The following PSME4 variants were observed in gnomAD, a reference collection of about 807,000 sequenced individuals.
PSME4 encodes the protein proteasome activator subunit 4.
In PSME4, 89 loss-of-function variants were observed where a neutral mutation model predicts 253.9. The observed-to-expected ratio is 0.35, with a 90% CI of 0.30 to 0.42. The LOEUF (loss-of-function observed/expected upper bound fraction) is 0.42. PSME4 is among the 10% of genes least tolerant of loss of function. The probability of loss-of-function intolerance (pLI) is 1.00; values close to 1 mark genes in which losing one functional copy is unlikely to be tolerated. For missense variants in PSME4, 2,014 were observed against 2,195.2 expected (o/e 0.92, Z 1.65); for synonymous variants, 851 against 759.2 (o/e 1.12, Z -1.99).
At chr2:53,875,490 A>G in intron 42 of PSME4, 137 bp downstream of exon 42, 1 of 841,480 alleles carries the variant, frequency 1.2e-6, no homozygotes, top group Non-Finnish European at 1.7e-6. Flanking sequence ...TCTTTGGTCA[A>G]TATATATGTC....
rs961007789 is a variant in PSME4 at position 53,914,791 on chromosome 2, G to C, written c.2516+4360C>G. Among the ~76,000 whole-genome samples the C allele has an allele frequency of 5.9e-5, 9 of 152,262 alleles. No homozygotes were observed. In the East Asian group the frequency reaches 1.7e-3, roughly 29 times the overall value. On this transcript the variant is annotated intron_variant, in intron 20 of 46. Transcript: ENST00000404125. ...AGCTACTCGGGAGGCTGAGACTGGA[G>C]AATCACTTGAACCTGGGAGGCAGAG...
At chr2:53,891,092 C>A (rs10170468) in intron 36 of PSME4, among the ~76,000 whole-genome samples, 5 of 152,182 alleles carry the variant, frequency 3.3e-5, no homozygotes, top group African/African-American at 1.2e-4. Context: ...TATAATAGTA[C>A]GCTAGGCTGA....
chr2:53,887,089 C>T (rs886749222), intron 40 of PSME4, among the ~76,000 whole-genome samples, 170 bp downstream of exon 40: 1 of 152,002 alleles, frequency 6.6e-6, no homozygotes, highest in African/African-American at 2.4e-5. Flanking sequence ...GATGGTTGCG[C>T]AAGGATGTGA....
intron 10 of PSME4, 22 bp downstream of exon 10, chr2:53,931,813 G>A (rs1217511587): frequency 1.2e-6 from 2 of 1,610,618 alleles, no homozygotes; most frequent in Non-Finnish European, 1.7e-6. Context: ...AGCTGTGGCT[G>A]AGACTCCCAC....
At chr2:53,955,131 A>G (rs1385712565) in intron 1 of PSME4, among the ~76,000 whole-genome samples, 2 of 152,166 alleles carry the variant, frequency 1.3e-5, no homozygotes, top group Non-Finnish European at 1.5e-5. Context: ...TGATCTTGCC[A>G]CTGCATTTCA....
intron 41 of PSME4, among the ~76,000 whole-genome samples, chr2:53,883,079 T>C (rs937816989): frequency 6.6e-6 from 1 of 152,182 alleles, no homozygotes; most frequent in Non-Finnish European, 1.5e-5. Context: ...AATGGTAGTT[T>C]ATGAATATTT....
chr2:53,956,294 C>G (rs1424609377), intron 1 of PSME4, among the ~76,000 whole-genome samples: 2 of 151,846 alleles, frequency 1.3e-5, no homozygotes, highest in Non-Finnish European at 2.9e-5. Context: ...TTTAGGAGGC[C>G]AAAGCAGGAG....
intron 12 of PSME4, among the ~76,000 whole-genome samples, chr2:53,926,982 AG>A (rs138491625): frequency 0.27 from 39,614 of 147,200 alleles, 5,460 homozygotes; most frequent in South Asian, 0.45. Context: ...CAAAAAAAAA[AG>A]AAAGAAAGAA....
chr2:53,966,057 G>T (rs1159327683), intron 1 of PSME4, among the ~76,000 whole-genome samples: 1 of 151,956 alleles, frequency 6.6e-6, no homozygotes, highest in African/African-American at 2.4e-5. Context: ...CCGAGATCTT[G>T]GGCGGATCAT....
At chr2:53,970,502 C>G in intron 1 of PSME4, 41 bp downstream of exon 1, 1 of 1,547,752 alleles carries the variant, frequency 6.5e-7, no homozygotes. Flanking sequence ...TCTCACTGAG[C>G]CTTTCCCCCC....
intron 22 of PSME4, 31 bp from the exon 23 acceptor site, chr2:53,908,596 T>A: frequency 6.4e-7 from 1 of 1,567,238 alleles, no homozygotes; most frequent in South Asian, 1.2e-5. Context: ...GGATTTTGGT[T>A]AAAATATTTT....
At position 53,923,362 on chromosome 2, in the gene PSME4, C is replaced by T; in HGVS notation, c.1867G>A (p.Ala623Thr). The T allele has an allele frequency of 1.9e-6, 3 of 1,611,304 alleles. No homozygotes were observed. The highest frequency in any genetic ancestry group is 2.5e-6 in the Non-Finnish European group (3 of 1,179,284). ...STSHIFETRV[A>T]GRMVADMCRA... ...CACATGTCTGCCACCATGCGACCTG[C>T]TACTCTTGTTTCAAATATATGTGAA... is the stretch of plus-strand genomic sequence containing the variant. The change falls in exon 15 of 47, where the codon GCA becomes ACA. Residue 623 changes from alanine (A) to threonine (T), a missense_variant. By Grantham distance (58) the Ala-to-Thr change is moderately conservative. Coordinates refer to ENST00000404125, the MANE Select transcript of PSME4 (RefSeq NM_014614.3).
chr2:53,869,438 G>A lies in PSME4; in HGVS notation c.5201C>T (p.Thr1734Ile). 1 of 1,610,480 alleles carries A rather than the reference G, an allele frequency of 6.2e-7. No homozygotes were observed. Among genetic ancestry groups the A allele is most frequent in the Non-Finnish European group, 8.5e-7 (1 of 1,177,502 alleles). Residue 1734 changes from threonine (T) to isoleucine (I), a missense_variant, in exon 44 of 47, where the codon ACA becomes ATA. By Grantham distance (89) the Thr-to-Ile change is moderately conservative. Coordinates refer to ENST00000404125, the MANE Select transcript of PSME4 (RefSeq NM_014614.3). Reference sequence around the variant, plus strand: ...TCGCTTTCTTTTCTTAGGTAGTTTTGTTTTGCAAAGTTGCTCAAAATGAAT... The same window carrying A: ...TCGCTTTCTTTTCTTAGGTAGTTTTATTTTGCAAAGTTGCTCAAAATGAAT... ...MQIHFEQLCK[T>I]KLPKKRKRDP...
chr2:53,882,271 T>C (rs1272636782), intron 41 of PSME4, among the ~76,000 whole-genome samples: 1 of 152,140 alleles, frequency 6.6e-6, no homozygotes, highest in East Asian at 1.9e-4. Flanking sequence ...GAGGAACATG[T>C]CTACAGTGTT....
intron 32 of PSME4, 80 bp from the exon 33 acceptor site, chr2:53,895,816 A>G (rs987977426): frequency 7.6e-7 from 1 of 1,316,754 alleles, no homozygotes; most frequent in Non-Finnish European, 1.0e-6. Context: ...CAACAGTACC[A>G]GCATAACTTT....
intron 4 of PSME4, among the ~76,000 whole-genome samples, chr2:53,939,543 C>G (rs1009281690): frequency 6.6e-6 from 1 of 152,140 alleles, no homozygotes; most frequent in African/African-American, 2.4e-5. Flanking sequence ...CCGGGCAATA[C>G]AGCAAGGCCC....
At chr2:53,900,930 T>C (rs753340381) in intron 28 of PSME4, among the ~76,000 whole-genome samples, 25 of 152,348 alleles carry the variant, frequency 1.6e-4, no homozygotes, top group Non-Finnish European at 2.8e-4. Context: ...CTGAAAGTTA[T>C]ATTCTTTAGT....
At chr2:53,907,345 C>CAGAT (rs1680706761) in intron 24 of PSME4, among the ~76,000 whole-genome samples, 3 of 152,262 alleles carry the variant, frequency 2.0e-5, no homozygotes, top group South Asian at 4.1e-4. Context: ...TCACCAAAGG[C>CAGAT]AGATAGTTGA....
In PSME4 at chr2:53,916,877, G is replaced by A. The variant is rs1668085862; in HGVS notation, c.2516+2274C>T. ...TATTAAGAACTTGCAAAAGTCAAAG[G>A]AAGACGGAAAACTCCCTCTTTTGGC... On this transcript the variant is annotated intron_variant, in intron 20 of 46. Coordinates refer to ENST00000404125, the MANE Select transcript of PSME4 (RefSeq NM_014614.3). Among the ~76,000 whole-genome samples, 3 of 152,038 alleles carry A rather than the reference G, an allele frequency of 2.0e-5. No individual in the cohort carries two copies. The South Asian group carries it at 6.2e-4, about 32-fold the overall frequency.
Sources: gnomAD v4.1 joint callset for allele counts (sites outside exome capture counted in the v4.1 genomes callset) on GRCh38, gnomAD v4.1.1 for gene constraint, MANE v1.5 for transcripts, NCBI Gene and HGNC (gene_info 2026-07-23, HGNC 2026-07-21) for gene names.